VPS54: variants seen among roughly 807,000 people sequenced by gnomAD.
VPS54 encodes the protein vacuolar protein sorting-associated protein 54.
Under a neutral mutation model 121.5 loss-of-function variants are expected in VPS54, and 45 were observed. The ratio of observed to expected loss-of-function variants is 0.37; its 90% confidence interval spans 0.29 to 0.47. The LOEUF (loss-of-function observed/expected upper bound fraction) is 0.47. Among genes scored for constraint, VPS54 ranks in the 20% least tolerant of loss-of-function variants. The pLI, the probability that VPS54 is intolerant of heterozygous loss-of-function variation, is 0.99. For synonymous variants in VPS54, 371 were observed against 385.8 expected (o/e 0.96, Z 0.45); for missense variants, 1,090 against 1,131.4 (o/e 0.96, Z 0.52).
rs762042027 is a variant in VPS54 at position 63,921,235 on chromosome 2, C to T, written c.1840G>A (p.Ala614Thr). 1 of 1,608,936 alleles carries T rather than the reference C, an allele frequency of 6.2e-7. No homozygotes were observed. Among genetic ancestry groups the T allele is most frequent in the South Asian group, 1.1e-5 (1 of 90,076 alleles). Residue 614 changes from alanine to threonine, a missense_variant, in exon 13 of 23, where the codon GCT becomes ACT. Physicochemically the swap from Ala to Thr is moderately conservative, Grantham distance 58. This residue lies in a region of VPS54 where 801 missense variants were observed against 757.0 expected (regional missense o/e 1.06). Coordinates refer to ENST00000272322, the MANE Select transcript of VPS54 (RefSeq NM_016516.3). ...YSASDICHDR[A>T]VKFLMSRAKD... ...GCTCTTGACATGAGAAATTTGACAG[C>T]TCGATCATGGCATATATCTGAGGCA...
At chr2:63,935,242 T>C (rs1674398549) in intron 11 of VPS54, among the ~76,000 whole-genome samples, 2 of 152,174 alleles carry the variant, frequency 1.3e-5, no homozygotes, top group Admixed American at 1.3e-4. Flanking sequence ...TTTGAGACCC[T>C]CTGAGTTGTG....
chr2:63,941,876 A>G (rs1674746636), intron 11 of VPS54, among the ~76,000 whole-genome samples: 1 of 151,900 alleles, frequency 6.6e-6, no homozygotes, highest in Non-Finnish European at 1.5e-5. Flanking sequence ...TCTACTAAAC[A>G]TGCAAAAATT....
At chr2:63,908,137 T>G (rs1672983734) in intron 20 of VPS54, among the ~76,000 whole-genome samples, 1 of 152,194 alleles carries the variant, frequency 6.6e-6, no homozygotes, top group African/African-American at 2.4e-5. Flanking sequence ...ACAGCTTTCT[T>G]CATAACAGCC....
rs745972672 is a variant in VPS54 at position 63,916,889 on chromosome 2, G to T, written c.2228+11C>A. On this transcript the variant is annotated intron_variant, in intron 16 of 22. Transcript: ENST00000272322. ...GTTGACTCAACTACTAAAGAAAAAT[G>T]TGTCACTCACCCAACAACTGCATAC... 1 of 1,613,072 alleles carries T rather than the reference G, an allele frequency of 6.2e-7. No individual in the cohort carries two copies. Among genetic ancestry groups the T allele is most frequent in the Non-Finnish European group, 8.5e-7 (1 of 1,179,268 alleles).
chr2:63,975,036 G>A (rs1306709625), intron 3 of VPS54: 2 of 1,548,550 alleles, frequency 1.3e-6, no homozygotes, highest in Non-Finnish European at 1.7e-6. Context: ...TAGCTACAGA[G>A]TTTTTGTAGA....
chr2:63,977,793 A>C (rs1676617420), intron 3 of VPS54, among the ~76,000 whole-genome samples: 1 of 152,238 alleles, frequency 6.6e-6, no homozygotes, highest in Admixed American at 6.5e-5. Context: ...GATATACCAA[A>C]GTTAAAAAGA....
chr2:63,928,836 CAAAA>C (rs1383479805), intron 12 of VPS54, among the ~76,000 whole-genome samples: 5 of 64,230 alleles, frequency 7.8e-5, no homozygotes, highest in Non-Finnish European at 7.5e-5. Flanking sequence ...AAATGGAAAG[CAAAA>C]AAAAAAAAAA....
rs773052148 is a variant in VPS54, at chr2:63,962,146, A to G, written c.922T>C (p.Ser308Pro). Residue 308 changes from serine (S) to proline (P), a missense_variant, in exon 7 of 23, where the codon TCT becomes CCT. Coordinates refer to ENST00000272322, the MANE Select transcript of VPS54 (RefSeq NM_016516.3). ...QTQPTVQVLL[S>P]TSEFVGALDL... ...AATGCTCCAACAAATTCAGAAGTAGATAATAACACCTGTACTGTAGGCTGA... is the reference window on the plus strand; with the variant it reads ...AATGCTCCAACAAATTCAGAAGTAGGTAATAACACCTGTACTGTAGGCTGA... 1.9e-6 allele frequency: 3 copies of G among 1,610,776 alleles called. No individual in the cohort carries two copies. The highest frequency in any genetic ancestry group is 3.3e-5 in the Admixed American group (2 of 59,990).
chr2:63,949,217 G>T, intron 7 of VPS54, 54 bp from the exon 8 acceptor site: 1 of 1,546,328 alleles, frequency 6.5e-7, no homozygotes, highest in South Asian at 1.2e-5. Flanking sequence ...CTACAAATTC[G>T]CTCCACAATC....
At chr2:63,921,021 C>A (rs1418990381) in intron 13 of VPS54, among the ~76,000 whole-genome samples, 185 bp downstream of exon 13, 1 of 151,944 alleles carries the variant, frequency 6.6e-6, no homozygotes, top group Non-Finnish European at 1.5e-5. Context: ...TTTAATAACT[C>A]CTATTTATTT....
rs986028587 is a variant in VPS54 at position 63,973,024 on chromosome 2, G to A, written c.379-780C>T. 9.9e-5 allele frequency among the ~76,000 whole-genome samples: 15 copies of A among 152,224 alleles called. No homozygotes were observed. The South Asian group carries it at 3.1e-3, about 32-fold the overall frequency. On this transcript the variant is annotated intron_variant, in intron 3 of 22. Transcript: ENST00000272322. ...CAGAGATATCACCGAAAGGATACCTGAGAAAGTGAAGTGTGGTAACAAGAA... is the reference window on the plus strand; with the variant it reads ...CAGAGATATCACCGAAAGGATACCTAAGAAAGTGAAGTGTGGTAACAAGAA...
At chr2:64,005,093 T>TC (rs1678066449) in intron 1 of VPS54, among the ~76,000 whole-genome samples, 1 of 59,572 alleles carries the variant, frequency 1.7e-5, no homozygotes, top group Admixed American at 1.5e-4. Flanking sequence ...TTGCTTCTTT[T>TC]TTTTTTTTTT....
At chr2:63,992,312 A>T (rs1273819903) in intron 1 of VPS54, among the ~76,000 whole-genome samples, 3 of 152,236 alleles carry the variant, frequency 2.0e-5, no homozygotes, top group African/African-American at 7.2e-5. Flanking sequence ...TTGAGGGTTT[A>T]GTAGATACTG....
intron 7 of VPS54, among the ~76,000 whole-genome samples, chr2:63,953,528 T>C (rs1411052031): frequency 6.6e-6 from 1 of 152,256 alleles, no homozygotes; most frequent in Non-Finnish European, 1.5e-5. Context: ...ATTCAAGATT[T>C]TTTTTCACCT....
intron 5 of VPS54, among the ~76,000 whole-genome samples, chr2:63,968,074 T>C (rs976196227): frequency 6.6e-6 from 1 of 152,018 alleles, no homozygotes; most frequent in African/African-American, 2.4e-5. Context: ...TAGGATCAAA[T>C]AAATGATATA....
chr2:63,927,603 T>A (rs759491632), intron 12 of VPS54, among the ~76,000 whole-genome samples: 1 of 152,056 alleles, frequency 6.6e-6, no homozygotes, highest in Non-Finnish European at 1.5e-5. Context: ...ATACCTCTTC[T>A]CCTCCAAAGG....
intron 1 of VPS54, among the ~76,000 whole-genome samples, chr2:63,991,707 AC>A (rs1405958597): frequency 6.6e-6 from 1 of 152,188 alleles, no homozygotes; most frequent in Non-Finnish European, 1.5e-5. Context: ...CTACCACAGA[AC>A]CAGGGAAATG....
intron 14 of VPS54, 83 bp from the exon 15 acceptor site, chr2:63,920,078 CTGAG>C: frequency 1.7e-6 from 2 of 1,173,326 alleles, no homozygotes; most frequent in Admixed American, 2.5e-5. Context: ...GGAAGAAGAG[CTGAG>C]TGAGAACATA....
chr2:64,018,767 G>C (rs765289844), intron 1 of VPS54, among the ~76,000 whole-genome samples, 171 bp downstream of exon 1: 9 of 145,222 alleles, frequency 6.2e-5, no homozygotes, highest in Non-Finnish European at 1.1e-4. Context: ...AAAAAAAAAG[G>C]AAGTGGCGGA....
Sources: allele counts gnomAD v4.1 joint callset (sites outside exome capture counted in the v4.1 genomes callset), GRCh38; gene constraint gnomAD v4.1.1; regional missense constraint gnomAD v4.1.1; transcripts MANE v1.5; gene names NCBI Gene and HGNC (gene_info 2026-07-23, HGNC 2026-07-21).